GABBR2: variants seen among roughly 807,000 people sequenced by gnomAD.
GABBR2 encodes the protein gamma-aminobutyric acid type B receptor subunit 2, also known as G-protein coupled receptor 51.
Under a neutral mutation model 105.6 loss-of-function variants are expected in GABBR2, and 23 were observed. The ratio of observed to expected loss-of-function variants is 0.22; its 90% confidence interval spans 0.16 to 0.31. The LOEUF is 0.31. GABBR2 is among the 10% of genes least tolerant of loss of function. The pLI is 1.00. For missense variants in GABBR2, 734 were observed against 1,245.5 expected (o/e 0.59, Z 6.18); for synonymous variants, 478 against 499.7 (o/e 0.96, Z 0.58).
intron 1 of GABBR2, chr9:98,607,643 T>C: frequency 1.4e-6 from 1 of 727,622 alleles, no homozygotes; most frequent in South Asian, 1.6e-5. Context: ...ATTGCTGAAG[T>C]TGAAAATGGT....
At chr9:98,499,054 C>T (rs1322562324) in intron 3 of GABBR2, among the ~76,000 whole-genome samples, 1 of 152,028 alleles carries the variant, frequency 6.6e-6, no homozygotes, top group East Asian at 1.9e-4. Context: ...GGGGGCAATA[C>T]AGCAAGTAGC....
chr9:98,338,740 T>C (rs1831157693), intron 13 of GABBR2, among the ~76,000 whole-genome samples: 2 of 152,174 alleles, frequency 1.3e-5, no homozygotes, highest in African/African-American at 4.8e-5. Flanking sequence ...TTAACATGAG[T>C]TAACATGGTT....
intron 1 of GABBR2, among the ~76,000 whole-genome samples, chr9:98,598,295 C>T (rs1338141787): frequency 3.9e-5 from 6 of 152,124 alleles, no homozygotes; most frequent in African/African-American, 1.4e-4. Flanking sequence ...CTTCATTTTC[C>T]ACAGTTCAGG....
chr9:98,433,343 G>A (rs1312391603), intron 7 of GABBR2, among the ~76,000 whole-genome samples: 3 of 152,136 alleles, frequency 2.0e-5, no homozygotes, highest in Admixed American at 2.0e-4. Flanking sequence ...GTATATACAT[G>A]TATGTAAAGA....
intron 7 of GABBR2, among the ~76,000 whole-genome samples, chr9:98,441,625 C>T (rs911910726): frequency 1.9e-4 from 29 of 152,188 alleles, no homozygotes; most frequent in African/African-American, 7.0e-4. Context: ...CCTTGGCCTC[C>T]CAAAGTGCTG....
At chr9:98,564,707 C>A (rs563172044) in intron 2 of GABBR2, among the ~76,000 whole-genome samples, 64 of 152,326 alleles carry the variant, frequency 4.2e-4, no homozygotes, top group Middle Eastern at 3.4e-3. Flanking sequence ...AATTCCTGAG[C>A]ACCTACTTGA....
At position 98,665,579 on chromosome 9, in the gene GABBR2, A is replaced by G. The variant is rs944938760; in HGVS notation, c.321+42838T>C. 1.2e-4 allele frequency among the ~76,000 whole-genome samples: 19 copies of G among 152,162 alleles called. 1 individual carries two copies. The highest frequency in any genetic ancestry group is 1.3e-4 in the Admixed American group (2 of 15,280). The stretch of plus-strand genomic sequence containing the variant: ...TACTAGAGGAATCTGGTGGGAAAAA[A>G]ACACCATGTGGAGTTTGTGTCAAGC... On this transcript the variant is annotated intron_variant, in intron 1 of 18. Coordinates refer to ENST00000259455, the MANE Select transcript of GABBR2 (RefSeq NM_005458.8).
intron 2 of GABBR2, among the ~76,000 whole-genome samples, chr9:98,561,546 T>A (rs1387741804): frequency 6.6e-6 from 1 of 152,240 alleles, no homozygotes; most frequent in South Asian, 2.1e-4. Flanking sequence ...GGGAAAGCTG[T>A]TCTGGAGAGA....
At chr9:98,633,304 T>A (rs942007867) in intron 1 of GABBR2, among the ~76,000 whole-genome samples, 5 of 152,102 alleles carry the variant, frequency 3.3e-5, no homozygotes, top group African/African-American at 1.2e-4. Context: ...AAACTCTTAA[T>A]GTCTTCTCCA....
At chr9:98,530,678 G>A (rs1359016085) in intron 3 of GABBR2, among the ~76,000 whole-genome samples, 1 of 152,148 alleles carries the variant, frequency 6.6e-6, no homozygotes, top group African/African-American at 2.4e-5. Flanking sequence ...TCAGCTATTT[G>A]GGAACCTGAG....
chr9:98,352,807 G>C (rs1831422849), intron 13 of GABBR2, among the ~76,000 whole-genome samples: 1 of 152,096 alleles, frequency 6.6e-6, no homozygotes, highest in African/African-American at 2.4e-5. Context: ...ACGCTGTGTG[G>C]GCTAGAGTCC....
At chr9:98,641,010 G>T (rs1403086772) in intron 1 of GABBR2, among the ~76,000 whole-genome samples, 1 of 152,130 alleles carries the variant, frequency 6.6e-6, no homozygotes, top group African/African-American at 2.4e-5. Flanking sequence ...CGTAAGAAAA[G>T]CCTGGAGGCC....
At chr9:98,418,585 C>A (rs1832729071) in intron 7 of GABBR2, among the ~76,000 whole-genome samples, 1 of 151,898 alleles carries the variant, frequency 6.6e-6, no homozygotes, top group Admixed American at 6.6e-5. Flanking sequence ...AAACAAAAAA[C>A]AAAACAACAA....
In GABBR2 at chr9:98,529,022, C is replaced by A. The variant is rs1057113841; in HGVS notation, c.630+12851G>T. On this transcript the variant is annotated intron_variant, in intron 3 of 18. Transcript: ENST00000259455. Reference sequence around the variant, plus strand: ...CTACCTCCATGTTCAATAACGGCAGCCTTCTTGAGTAACTGATGGCATACG... The same window carrying A: ...CTACCTCCATGTTCAATAACGGCAGACTTCTTGAGTAACTGATGGCATACG... Among the ~76,000 whole-genome samples, 4 of 152,188 alleles carry A rather than the reference C, an allele frequency of 2.6e-5. No individual in the cohort carries two copies. The South Asian group carries it at 6.2e-4, about 24-fold the overall frequency.
At chr9:98,661,991 A>C (rs2900546) in intron 1 of GABBR2, among the ~76,000 whole-genome samples, 1 of 152,116 alleles carries the variant, frequency 6.6e-6, no homozygotes, top group Non-Finnish European at 1.5e-5. Context: ...AACTTCTCCC[A>C]CTTCAGTTCA....
chr9:98,428,309 G>A (rs966476721), intron 7 of GABBR2, among the ~76,000 whole-genome samples: 5 of 152,158 alleles, frequency 3.3e-5, no homozygotes, highest in Admixed American at 1.3e-4. Flanking sequence ...CAACAAAGTG[G>A]GAGACAAGAA....
chr9:98,676,528 G>T (rs1039956126), intron 1 of GABBR2, among the ~76,000 whole-genome samples: 1 of 152,232 alleles, frequency 6.6e-6, no homozygotes, highest in African/African-American at 2.4e-5. Context: ...TTGAAAAGAA[G>T]TGACATGTAC....
At chr9:98,648,120 G>T (rs992983264) in intron 1 of GABBR2, among the ~76,000 whole-genome samples, 3 of 39,902 alleles carry the variant, frequency 7.5e-5, no homozygotes, top group Non-Finnish European at 5.6e-5. Flanking sequence ...TGTGTGTATA[G>T]ATAGATAGAT....
intron 6 of GABBR2, among the ~76,000 whole-genome samples, chr9:98,457,823 T>G (rs1199475029): frequency 6.6e-6 from 1 of 152,204 alleles, no homozygotes; most frequent in African/African-American, 2.4e-5. Flanking sequence ...AGAAACGCAC[T>G]CACAATTGTT....
Sources: gnomAD v4.1 joint callset for allele counts (sites outside exome capture counted in the v4.1 genomes callset) on GRCh38, gnomAD v4.1.1 for gene constraint, MANE v1.5 for transcripts, NCBI Gene and HGNC (gene_info 2026-07-23, HGNC 2026-07-21) for gene names.